Variants in MGAT4D observed in about 807,000 individuals in gnomAD.
MGAT4D encodes alpha-1,3-mannosyl-glycoprotein 4-beta-N-acetylglucosaminyltransferase-like protein MGAT4D.
In MGAT4D, 34 loss-of-function variants were observed where a neutral mutation model predicts 15.9. That is an observed-to-expected ratio of 2.14 (90% CI 1.62 to 2.84). The LOEUF (loss-of-function observed/expected upper bound fraction) is 2.84, where lower values mean the gene tolerates loss of function less well. MGAT4D is among the 30% of genes most tolerant of loss of function. MGAT4D has a pLI of 0.00. For missense variants in MGAT4D, 327 were observed against 140.2 expected (o/e 2.33, Z -6.73); for synonymous variants, 112 against 48.2 (o/e 2.33, Z -5.49).
Position 140,456,644 on chromosome 4 carries a change from T to C in MGAT4D, c.953A>G (p.Asp318Gly). Residue 318 changes from aspartate to glycine, a missense_variant, in exon 9 of 11, where the codon GAC becomes GGC. By Grantham distance (94) the Asp-to-Gly change is moderately conservative. Transcript: ENST00000511113. Reference protein sequence around the residue: ...FLMFYKEKPIDWLLNDIFQVK... With the variant: ...FLMFYKEKPIGWLLNDIFQVK... Reference sequence around the variant, plus strand: ...CTGAAAAATGTCATTCAAGAGCCAGTCTATGGGTTTCTCTTTGTAGAACAT... The same window carrying C: ...CTGAAAAATGTCATTCAAGAGCCAGCCTATGGGTTTCTCTTTGTAGAACAT... 2 of 698,962 alleles carry C rather than the reference T, an allele frequency of 2.9e-6. No individual in the cohort carries two copies. Among genetic ancestry groups the C allele is most frequent in the Non-Finnish European group, 5.2e-6 (2 of 382,990 alleles). The allele number at this position is 698,962 out of a possible 1,614,324, so 43.3% of individuals were successfully genotyped here.
At chr4:140,453,441 G>C (rs1011721350) in intron 9 of MGAT4D, among the ~76,000 whole-genome samples, 22 of 151,708 alleles carry the variant, frequency 1.5e-4, no homozygotes, top group Non-Finnish European at 2.8e-4. Flanking sequence ...CCAGCATATA[G>C]ACAATATACA....
At chr4:140,462,346 C>T (rs1731244711) in intron 6 of MGAT4D, 1 of 172,972 alleles carries the variant, frequency 5.8e-6, no homozygotes, top group Non-Finnish European at 1.2e-5. Flanking sequence ...AAACTTTATT[C>T]TTTTTTCAAT....
At chr4:140,477,814 T>C (rs1434225676) in intron 3 of MGAT4D, among the ~76,000 whole-genome samples, 1 of 152,230 alleles carries the variant, frequency 6.6e-6, no homozygotes, top group African/African-American at 2.4e-5. Flanking sequence ...GAGGAAAGTA[T>C]GAAGAATGGA....
At chr4:140,452,133 A>AGAC (rs1730513240) in intron 9 of MGAT4D, among the ~76,000 whole-genome samples, 1 of 152,060 alleles carries the variant, frequency 6.6e-6, no homozygotes, top group Admixed American at 6.6e-5. Flanking sequence ...CAGGAGTTTG[A>AGAC]GACCACCTTG....
intron 1 of MGAT4D, 101 bp downstream of exon 1, chr4:140,498,028 C>G (rs1733953632): frequency 3.6e-6 from 2 of 561,864 alleles, no homozygotes; most frequent in South Asian, 4.3e-5. Flanking sequence ...CGCCAGCTTC[C>G]CGCATCGCCT....
intron 1 of MGAT4D, among the ~76,000 whole-genome samples, chr4:140,483,299 G>C (rs142036386): frequency 4.1e-4 from 63 of 152,092 alleles, no homozygotes; most frequent in African/African-American, 1.5e-3. Context: ...TAAAATACTT[G>C]GGAATAAATT....
chr4:140,483,675 C>A (rs1287071870), intron 1 of MGAT4D, among the ~76,000 whole-genome samples: 2 of 152,030 alleles, frequency 1.3e-5, no homozygotes, highest in African/African-American at 2.4e-5. Flanking sequence ...ACACATAGAC[C>A]AATGGAACAA....
intron 9 of MGAT4D, among the ~76,000 whole-genome samples, chr4:140,455,576 G>C (rs1357681005): frequency 6.6e-6 from 1 of 152,166 alleles, no homozygotes; most frequent in Non-Finnish European, 1.5e-5. Flanking sequence ...ATTAAATCCA[G>C]TTGGCAGATG....
Position 140,470,459 on chromosome 4 carries a change from T to C in MGAT4D, c.572+1316A>G, listed in dbSNP as rs17005997. 1.3e-3 allele frequency among the ~76,000 whole-genome samples: 204 copies of C among 152,350 alleles called. 2 individuals are homozygous for C. The East Asian group carries it at 0.035, about 26-fold the overall frequency. On this transcript the variant is annotated intron_variant, in intron 5 of 10. Coordinates refer to ENST00000511113, the MANE Select transcript of MGAT4D (RefSeq NM_001277353.2). ...TACTGGCTAAACAAAACACGGCCTG[T>C]CAGCCAGATTCAGCCTGAAGGCCAC...
intron 1 of MGAT4D, among the ~76,000 whole-genome samples, chr4:140,494,945 C>T (rs901730477): frequency 4.0e-4 from 61 of 152,282 alleles, no homozygotes; most frequent in African/African-American, 1.4e-3. Context: ...GAGCATCCCG[C>T]AATTCTCTTC....
At chr4:140,495,612 T>C (rs1733786085) in intron 1 of MGAT4D, among the ~76,000 whole-genome samples, 1 of 152,232 alleles carries the variant, frequency 6.6e-6, no homozygotes, top group African/African-American at 2.4e-5. Context: ...AGGAAGTATG[T>C]TCTGTCCTCA....
At chr4:140,452,596 CT>C (rs1464330247) in intron 9 of MGAT4D, among the ~76,000 whole-genome samples, 1 of 152,092 alleles carries the variant, frequency 6.6e-6, no homozygotes, top group Admixed American at 6.6e-5. Flanking sequence ...CTGTTCAAAT[CT>C]TTTGCCCTTT....
In MGAT4D at chr4:140,443,036, T is replaced by G; in HGVS notation, c.*400A>C. 6.6e-6 allele frequency: 1 copy of G among 152,342 alleles called. No homozygotes were observed. The allele number at this position is 152,342 out of a possible 1,614,324, so 9.4% of individuals were successfully genotyped here. On this transcript the variant is annotated 3_prime_UTR_variant, in exon 11 of 11. Transcript: ENST00000511113. The stretch of plus-strand genomic sequence containing the variant: ...ATCCAGGCTTGTTTAAATTTGTGCT[T>G]TCTATTTCTTTAGGTGTCTTAACAA...
intron 8 of MGAT4D, chr4:140,459,304 A>T (rs1731011084): frequency 3.9e-6 from 1 of 257,746 alleles, no homozygotes; most frequent in South Asian, 1.7e-4. Context: ...TGTCAATTTG[A>T]TCTCTCTAGA....
intron 2 of MGAT4D, among the ~76,000 whole-genome samples, chr4:140,481,038 A>T (rs1431336): frequency 0.16 from 24,515 of 152,168 alleles, 2,333 homozygotes; most frequent in East Asian, 0.41. Flanking sequence ...ATAATAGGAC[A>T]GGCATGGTCC....
At chr4:140,449,525 T>C (rs1390366896) in intron 10 of MGAT4D, among the ~76,000 whole-genome samples, 1 of 152,186 alleles carries the variant, frequency 6.6e-6, no homozygotes, top group South Asian at 2.1e-4. Flanking sequence ...TTTGGGAGGC[T>C]GAGACAGGCA....
At chr4:140,485,656 G>A (rs990165024) in intron 1 of MGAT4D, among the ~76,000 whole-genome samples, 1 of 150,346 alleles carries the variant, frequency 6.7e-6, no homozygotes, top group Non-Finnish European at 1.5e-5. Flanking sequence ...AATAAAGTCA[G>A]TATGTTGGAT....
intron 1 of MGAT4D, among the ~76,000 whole-genome samples, chr4:140,483,898 T>A (rs1732913166): frequency 6.6e-6 from 1 of 152,176 alleles, no homozygotes; most frequent in African/African-American, 2.4e-5. Flanking sequence ...GACCTGAAAC[T>A]GTAAGATTAC....
At chr4:140,451,276 A>C (rs975769057) in intron 10 of MGAT4D, 134 bp downstream of exon 10, 2 of 379,022 alleles carry the variant, frequency 5.3e-6, no homozygotes, top group African/African-American at 4.2e-5. Context: ...CACAACATAC[A>C]GTACTGTCAT....
Sources: allele counts gnomAD v4.1 joint callset (sites outside exome capture counted in the v4.1 genomes callset), GRCh38; gene constraint gnomAD v4.1.1; transcripts MANE v1.5; gene names NCBI Gene and HGNC (gene_info 2026-07-23, HGNC 2026-07-21).